Variants in SRGAP2C observed in about 807,000 individuals in gnomAD.
SRGAP2C encodes the protein SLIT-ROBO Rho GTPase activating protein 2C, also known as SLIT-ROBO Rho GTPase-activating protein 2C.
A neutral mutation model predicts 25.1 loss-of-function variants in SRGAP2C; 15 were observed. That is an observed-to-expected ratio of 0.60 (90% CI 0.40 to 0.92). SRGAP2C has a LOEUF of 0.92. Ranked by LOEUF, SRGAP2C falls within the 40% of genes least tolerant of loss-of-function variation. SRGAP2C has a pLI of 0.00. For synonymous variants in SRGAP2C, 44 were observed against 96.6 expected, an observed-to-expected ratio of 0.46 and a Z score of 3.19; for missense variants, 144 against 264.4, an observed-to-expected ratio of 0.54 and a Z score of 3.16.
chr1:121,224,696 G>A (rs1180162806), intron 2 of SRGAP2C, among the ~76,000 whole-genome samples: 1 of 142,874 alleles, frequency 7.0e-6, no homozygotes, highest in Non-Finnish European at 1.5e-5. Flanking sequence ...GTGTCACTCA[G>A]CTCTGGAGTG....
At chr1:121,351,638 T>TAAAG (rs1658910702) in intron 4 of SRGAP2C, among the ~76,000 whole-genome samples, 2 of 146,354 alleles carry the variant, frequency 1.4e-5, no homozygotes, top group African/African-American at 5.2e-5. Flanking sequence ...AATAAATAAA[T>TAAAG]AAATAAATAA....
At chr1:121,296,244 G>C (rs1447669602) in intron 3 of SRGAP2C, among the ~76,000 whole-genome samples, 2 of 152,144 alleles carry the variant, frequency 1.3e-5, no homozygotes, top group African/African-American at 4.8e-5. Context: ...GCTGTTGGTA[G>C]AGATTTGCAC....
intron 3 of SRGAP2C, among the ~76,000 whole-genome samples, chr1:121,321,834 T>C (rs1658210833): frequency 6.6e-6 from 1 of 152,378 alleles, no homozygotes; most frequent in East Asian, 1.9e-4. Flanking sequence ...CCTGGGGATA[T>C]GTGCTCTGCA....
intron 8 of SRGAP2C, among the ~76,000 whole-genome samples, chr1:121,385,897 C>T (rs1553356260): frequency 6.6e-6 from 1 of 150,846 alleles, no homozygotes; most frequent in African/African-American, 2.4e-5. Context: ...TCTTACAGAT[C>T]TAGGGAAGGC....
intron 2 of SRGAP2C, among the ~76,000 whole-genome samples, chr1:121,188,242 C>T (rs1329790431): frequency 3.3e-5 from 5 of 152,194 alleles, no homozygotes; most frequent in Non-Finnish European, 1.5e-5. Flanking sequence ...TGGCCCTCTG[C>T]TCCGGAAGAC....
At position 121,285,391 on chromosome 1, in the gene SRGAP2C, GTC is replaced by G. The variant is rs1167239844; in HGVS notation, c.260+409_260+410del. On this transcript the variant is annotated intron_variant, in intron 3 of 9. Transcript: ENST00000367123. ...TAACTCAGGGTCTATCTTAATCTCT[GTC>G]TCTCTCTCTCTCACACACACACACA... Among the ~76,000 whole-genome samples, 2,194 of 134,008 alleles carry G rather than the reference GTC, an allele frequency of 0.016. 140 individuals are homozygous for G. In the East Asian group the frequency reaches 0.2, roughly 12 times the overall value. The allele number at this position is 134,008 out of a possible 152,430, so 87.9% of individuals were successfully genotyped here.
intron 2 of SRGAP2C, among the ~76,000 whole-genome samples, chr1:121,238,526 C>T (rs587708065): frequency 6.4e-4 from 97 of 152,090 alleles, no homozygotes; most frequent in African/African-American, 1.7e-3. Context: ...GTGGTCTTGC[C>T]ACATAATTTG....
At position 121,310,794 on chromosome 1, in the gene SRGAP2C, G is replaced by T. The variant is rs1657965350; in HGVS notation, c.261-13684G>T. Among the ~76,000 whole-genome samples the T allele has an allele frequency of 2.3e-5, 2 of 85,588 alleles. 1 individual carries two copies. Among genetic ancestry groups the T allele is most frequent in the Admixed American group, 2.4e-4 (2 of 8,188 alleles). The allele number at this position is 85,588 out of a possible 152,430, so 56.1% of individuals were successfully genotyped here. On this transcript the variant is annotated intron_variant, in intron 3 of 9. Transcript: ENST00000367123. ...GTTCCATTGATCTATATCTCTTTTGGTACCAGTACCATGCTGTTTTGCTTA... is the reference window on the plus strand; with the variant it reads ...GTTCCATTGATCTATATCTCTTTTGTTACCAGTACCATGCTGTTTTGCTTA...
intron 2 of SRGAP2C, among the ~76,000 whole-genome samples, chr1:121,217,586 A>G (rs1220648880): frequency 1.3e-5 from 2 of 151,678 alleles, no homozygotes. Context: ...ATCTTTTTTA[A>G]GACTAATGTC....
chr1:121,269,961 T>C (rs2101545691), intron 2 of SRGAP2C, among the ~76,000 whole-genome samples: 1 of 151,884 alleles, frequency 6.6e-6, no homozygotes, highest in Non-Finnish European at 1.5e-5. Context: ...TTTTGTTGTT[T>C]CTTTTTTTGC....
intron 2 of SRGAP2C, among the ~76,000 whole-genome samples, chr1:121,279,540 T>C (rs1427993489): frequency 4.0e-5 from 6 of 151,826 alleles, no homozygotes; most frequent in African/African-American, 1.2e-4. Context: ...AGTATCCTAT[T>C]AGGGCTAGTT....
intron 2 of SRGAP2C, among the ~76,000 whole-genome samples, chr1:121,249,580 A>ATTTTT (rs1159053572): frequency 2.7e-3 from 60 of 22,314 alleles, no homozygotes; most frequent in Non-Finnish European, 3.0e-3. Flanking sequence ...ATATATATAT[A>ATTTTT]TTTTTTTTTT....
intron 2 of SRGAP2C, among the ~76,000 whole-genome samples, chr1:121,212,966 T>C (rs1553324107): frequency 1.5e-5 from 2 of 129,948 alleles, no homozygotes; most frequent in Non-Finnish European, 1.7e-5. Context: ...ATCAAAAGGT[T>C]GAAGCACCTC....
chr1:121,279,463 G>T (rs1171126257), intron 2 of SRGAP2C, among the ~76,000 whole-genome samples: 1 of 149,470 alleles, frequency 6.7e-6, no homozygotes, highest in Non-Finnish European at 1.5e-5. Context: ...GCATTGGCAG[G>T]TGTTGTAATT....
intron 4 of SRGAP2C, among the ~76,000 whole-genome samples, chr1:121,340,658 A>C (rs1221338950): frequency 2.7e-5 from 4 of 150,780 alleles, no homozygotes; most frequent in African/African-American, 7.3e-5. Context: ...TGGAAAAAAA[A>C]CAGATTCATG....
chr1:121,213,044 A>ATT (rs533839791), intron 2 of SRGAP2C, among the ~76,000 whole-genome samples: 53 of 129,116 alleles, frequency 4.1e-4, no homozygotes, highest in African/African-American at 1.2e-3. Flanking sequence ...TAGTTTTCTA[A>ATT]TTTTTTTTTT....
intron 3 of SRGAP2C, among the ~76,000 whole-genome samples, chr1:121,306,367 T>A (rs1410004083): frequency 7.5e-6 from 1 of 134,162 alleles, no homozygotes; most frequent in African/African-American, 2.9e-5. Flanking sequence ...AGGACATTGT[T>A]TAGCTTTGGC....
chr1:121,328,823 G>A (rs1658370974), intron 4 of SRGAP2C, among the ~76,000 whole-genome samples: 2 of 148,164 alleles, frequency 1.3e-5, no homozygotes, highest in African/African-American at 2.5e-5. Flanking sequence ...GAAATTTGAG[G>A]CTGCAGTGAT....
In SRGAP2C at chr1:121,284,933, C is replaced by T; in HGVS notation, c.198C>T (p.Asn66=). 1 of 1,547,368 alleles carries T rather than the reference C, an allele frequency of 6.5e-7. No homozygotes were observed. Among genetic ancestry groups the T allele is most frequent in the Non-Finnish European group, 8.7e-7 (1 of 1,145,188 alleles). The change falls in exon 3 of 10, where the codon AAC becomes AAT. Residue 66 remains asparagine (N), a synonymous_variant. Coordinates refer to ENST00000367123, the MANE Select transcript of SRGAP2C (RefSeq NM_001329984.2). Reference sequence around the variant, plus strand: ...AGATTGAGATGGACTACTCCCGCAACCTGGAGAAGCTGGCAGAACACTTCC... The same window carrying T: ...AGATTGAGATGGACTACTCCCGCAATCTGGAGAAGCTGGCAGAACACTTCC... ...KAEIEMDYSR[N]LEKLAEHFLA...
Sources: allele counts gnomAD v4.1 joint callset (sites outside exome capture counted in the v4.1 genomes callset), GRCh38; gene constraint gnomAD v4.1.1; transcripts MANE v1.5; gene names NCBI Gene and HGNC (gene_info 2026-07-23, HGNC 2026-07-21).